The following ZNF415 variants were observed in gnomAD, a reference collection of about 807,000 sequenced individuals.
The protein encoded by ZNF415 is zinc finger protein 415.
Under a neutral mutation model 7.3 loss-of-function variants are expected in ZNF415, and 5 were observed. The observed-to-expected ratio is 0.69, with a 90% CI of 0.36 to 1.44. ZNF415 has a LOEUF of 1.44. Ranked by LOEUF, ZNF415 falls within the 40% of genes most tolerant of loss-of-function variation. The pLI, the probability that ZNF415 is intolerant of heterozygous loss-of-function variation, is 0.04. For missense variants in ZNF415, 628 were observed against 664.8 expected (o/e 0.94, Z 0.61); for synonymous variants, 207 against 226.3 (o/e 0.91, Z 0.77).
intron 2 of ZNF415, among the ~76,000 whole-genome samples, chr19:53,121,585 G>T (rs145661311): frequency 6.6e-6 from 1 of 151,406 alleles, no homozygotes; most frequent in Non-Finnish European, 1.5e-5. Context: ...GCGCCACCAC[G>T]CCTGGCTAAT....
intron 3 of ZNF415, chr19:53,115,256 A>C: frequency 5.9e-6 from 1 of 170,202 alleles, no homozygotes. Flanking sequence ...AATCATTTGA[A>C]TCCGGGAGGC....
At chr19:53,123,257 T>C (rs61367784) in intron 1 of ZNF415, among the ~76,000 whole-genome samples, 8,371 of 152,128 alleles carry the variant, frequency 0.055, 452 homozygotes, top group African/African-American at 0.14. Flanking sequence ...GTAGCTCTAC[T>C]CACATGTGGT....
chr19:53,128,826 G>A (rs77519261), intron 1 of ZNF415, among the ~76,000 whole-genome samples: 2 of 97,478 alleles, frequency 2.1e-5, no homozygotes, highest in Admixed American at 2.1e-4. Context: ...TCCCTGAGGA[G>A]TCTTCAGCCC....
chr19:53,117,023 A>T lies in ZNF415; in HGVS notation c.16-590T>A, dbSNP rs561521408. On this transcript the variant is annotated intron_variant, in intron 2 of 3. Coordinates refer to ENST00000243643, the MANE Select transcript of ZNF415 (RefSeq NM_018355.4). ...CTATTTAACAAAATAATAACCAAAAACTTCCTAAGTATAGTAAAAGGTTTA... is the reference window on the plus strand; with the variant it reads ...CTATTTAACAAAATAATAACCAAAATCTTCCTAAGTATAGTAAAAGGTTTA... Among the ~76,000 whole-genome samples, 6 of 152,282 alleles carry T rather than the reference A, an allele frequency of 3.9e-5. No homozygotes were observed. In the South Asian group the frequency reaches 1.2e-3, roughly 32 times the overall value.
intron 2 of ZNF415, 179 bp downstream of exon 2, chr19:53,122,483 T>C: frequency 6.4e-7 from 1 of 1,560,306 alleles, no homozygotes; most frequent in Non-Finnish European, 8.6e-7. Context: ...TGTCACAGGG[T>C]CAGGGTGAGA....
intron 1 of ZNF415, among the ~76,000 whole-genome samples, chr19:53,129,134 A>G (rs8107824): frequency 0.26 from 38,973 of 152,072 alleles, 5,226 homozygotes; most frequent in East Asian, 0.37. Flanking sequence ...CATAGGGTAA[A>G]AGCAGGGACA....
chr19:53,128,203 A>C (rs939829994), intron 1 of ZNF415, among the ~76,000 whole-genome samples: 1 of 149,532 alleles, frequency 6.7e-6, no homozygotes, highest in Non-Finnish European at 1.5e-5. Context: ...CTCTGGACAA[A>C]AGCAGGAATG....
rs375889671 is a variant in ZNF415 at position 53,109,192 on chromosome 19, A to T, written c.853T>A (p.Ser285Thr). 1.1e-5 allele frequency: 18 copies of T among 1,613,978 alleles called. No homozygotes were observed. Among genetic ancestry groups the T allele is most frequent in the Non-Finnish European group, 1.5e-5 (18 of 1,180,002 alleles). The change falls in exon 4 of 4, where the codon TCA becomes ACA. Residue 285 changes from serine (S) to threonine (T), a missense_variant. By Grantham distance (58) the Ser-to-Thr change is moderately conservative. Transcript: ENST00000243643. ...ACTCTCCGATGTAGTGCAAGGCATG[A>T]GTTGCGACTGAAACTTCTGTCACAT... ...NECDRSFSRNSCLALHRRVHT... is the reference protein window; with the variant it reads ...NECDRSFSRNTCLALHRRVHT...
chr19:53,122,072 C>T (rs1477860777), intron 2 of ZNF415, among the ~76,000 whole-genome samples: 2 of 151,418 alleles, frequency 1.3e-5, no homozygotes, highest in Admixed American at 6.6e-5. Context: ...CATAGAGAAA[C>T]CCCGTCTCTA....
rs1555793061 is a variant in ZNF415 at position 53,127,884 on chromosome 19, AAAAAAG to A, written c.-68+4966_-68+4971del. Among the ~76,000 whole-genome samples, 1,137 of 149,226 alleles carry A rather than the reference AAAAAAG, an allele frequency of 7.6e-3. 13 individuals carry two copies. Among genetic ancestry groups the A allele is most frequent in the African/African-American group, 0.026 (1,073 of 40,948 alleles). On this transcript the variant is annotated intron_variant, in intron 1 of 3. Transcript: ENST00000243643. The stretch of plus-strand genomic sequence containing the variant: ...GAGCGAGACACCGTCTCAAAAAAAA[AAAAAAG>A]AAAAAGAAAAAGAAAAAGATACTAG...
chr19:53,115,790 T>C (rs1319526301), intron 3 of ZNF415: 19 of 1,550,498 alleles, frequency 1.2e-5, no homozygotes, highest in Non-Finnish European at 1.5e-5. Context: ...CTCTTTCCTG[T>C]GCTCCCACAT....
At chr19:53,122,288 A>G in intron 2 of ZNF415, 1 of 1,054,952 alleles carries the variant, frequency 9.5e-7, no homozygotes, top group South Asian at 1.5e-5. Flanking sequence ...AACAAAAAAC[A>G]TGACTTCCAT....
At chr19:53,121,101 A>G (rs1474269922) in intron 2 of ZNF415, among the ~76,000 whole-genome samples, 1 of 130,746 alleles carries the variant, frequency 7.6e-6, no homozygotes, top group Non-Finnish European at 1.6e-5. Flanking sequence ...AAAAAAAAAA[A>G]AGTCCTACAG....
chr19:53,122,811 A>C, intron 1 of ZNF415, 68 bp from the exon 2 acceptor site: 1 of 1,242,324 alleles, frequency 8.0e-7, no homozygotes, highest in Non-Finnish European at 1.2e-6. Flanking sequence ...TGACAAGCAC[A>C]CACATACACA....
At chr19:53,128,148 C>CA (rs2089509438) in intron 1 of ZNF415, among the ~76,000 whole-genome samples, 1 of 152,078 alleles carries the variant, frequency 6.6e-6, no homozygotes, top group South Asian at 2.1e-4. Flanking sequence ...TTTTCTACTT[C>CA]TCTTCCATGC....
intron 3 of ZNF415, among the ~76,000 whole-genome samples, chr19:53,113,909 C>T (rs1354683189): frequency 6.6e-6 from 1 of 152,224 alleles, no homozygotes; most frequent in Non-Finnish European, 1.5e-5. Flanking sequence ...AGAAGGACAT[C>T]TGGACACACT....
Position 53,108,949 on chromosome 19 carries a change from T to A in ZNF415, c.1096A>T (p.Ser366Cys). The A allele has an allele frequency of 6.2e-7, 1 of 1,614,208 alleles. No homozygotes were observed. The highest frequency in any genetic ancestry group is 8.5e-7 in the Non-Finnish European group (1 of 1,180,030). ...TGAGTTGCAAGGCTTGAAGTCTGACTGAACACCTTGCCACATTCATTGCAT... is the reference window on the plus strand; with the variant it reads ...TGAGTTGCAAGGCTTGAAGTCTGACAGAACACCTTGCCACATTCATTGCAT... ...YKCNECGKVFSQTSSLATHQR... is the reference protein window; with the variant it reads ...YKCNECGKVFCQTSSLATHQR... Residue 366 changes from serine (S) to cysteine (C), a missense_variant, in exon 4 of 4, where the codon AGT becomes TGT. Coordinates refer to ENST00000243643, the MANE Select transcript of ZNF415 (RefSeq NM_018355.4).
At chr19:53,125,327 C>A (rs933946058) in intron 1 of ZNF415, among the ~76,000 whole-genome samples, 3 of 151,602 alleles carry the variant, frequency 2.0e-5, no homozygotes, top group African/African-American at 4.9e-5. Context: ...CAGGTGTGAG[C>A]CACCGCGCCT....
In ZNF415 at chr19:53,108,715, C is replaced by T. The variant is rs1432811472; in HGVS notation, c.1330G>A (p.Glu444Lys). ...TGCACACTAAAGGCTTTCCCACACT[C>T]ATTACACTTGTAAGGTTTCTCTCCA... ...HTGEKPYKCN[E>K]CGKAFSVHSN... The change falls in exon 4 of 4, where the codon GAG (glutamate) becomes AAG (lysine). Residue 444 changes from glutamate to lysine, a missense_variant. Coordinates refer to ENST00000243643, the MANE Select transcript of ZNF415 (RefSeq NM_018355.4). 1.2e-6 allele frequency: 2 copies of T among 1,614,212 alleles called. No homozygotes were observed. The highest frequency in any genetic ancestry group is 1.7e-6 in the Non-Finnish European group (2 of 1,180,038).
Sources: gnomAD v4.1 joint callset for allele counts (sites outside exome capture counted in the v4.1 genomes callset) on GRCh38, gnomAD v4.1.1 for gene constraint, MANE v1.5 for transcripts, NCBI Gene and HGNC (gene_info 2026-07-23, HGNC 2026-07-21) for gene names.